The following AR variants were observed in gnomAD, a reference collection of about 807,000 sequenced individuals.
AR encodes androgen receptor.
Under a neutral mutation model 53.9 loss-of-function variants are expected in AR, and 8 were observed. That is an observed-to-expected ratio of 0.15 (90% confidence interval 0.09 to 0.27). The LOEUF is 0.27. Among genes scored for constraint, AR ranks in the 10% least tolerant of loss-of-function variants. The pLI, the probability that AR is intolerant of heterozygous loss-of-function variation, is 1.00. For missense variants in AR, 639 were observed against 742.5 expected (o/e 0.86, Z 1.62); for synonymous variants, 359 against 316.4 (o/e 1.13, Z -1.43).
chrX:67,640,567 T>C (rs1398972014), intron 1 of AR, among the ~76,000 whole-genome samples: 1 of 111,430 alleles, frequency 9.0e-6, no homozygotes, highest in Non-Finnish European at 1.9e-5. Flanking sequence ...GTTCAGGAAT[T>C]TATCTATTTC....
chrX:67,698,611 C>T (rs113044988), intron 3 of AR, among the ~76,000 whole-genome samples: 16,765 of 112,376 alleles, frequency 0.15, 1,539 homozygotes, highest in African/African-American at 0.34. Flanking sequence ...TCTAGCTTCA[C>T]AAAGAATTTG....
chrX:67,626,741 A>C, intron 1 of AR, among the ~76,000 whole-genome samples: 1 of 96,805 alleles, frequency 1.0e-5, no homozygotes, highest in Non-Finnish European at 2.1e-5. Flanking sequence ...CTAACTCATC[A>C]TCTAGCATTA....
chrX:67,661,014 T>G (rs965408085), intron 2 of AR, among the ~76,000 whole-genome samples: 2 of 111,644 alleles, frequency 1.8e-5, no homozygotes, highest in Admixed American at 9.5e-5. Flanking sequence ...GGCTCTCTGT[T>G]TTCTGTTATT....
rs773088507 is a variant in AR, at chrX:67,709,612, C to A, written c.1886-1790C>A. Among the ~76,000 whole-genome samples the A allele has an allele frequency of 3.6e-5, 4 of 112,261 alleles. No homozygotes were observed. In the South Asian group the frequency reaches 1.1e-3, roughly 31 times the overall value. ...CCGGGTGAGGCGATGCCTCTCCCTG[C>A]TTTGGCTCACACTTGGTGCACTGCA... On this transcript the variant is annotated intron_variant, in intron 3 of 7. Coordinates refer to ENST00000374690, the MANE Select transcript of AR (RefSeq NM_000044.6).
intron 1 of AR, among the ~76,000 whole-genome samples, chrX:67,629,707 C>G (rs1924951911): frequency 1.8e-5 from 2 of 108,753 alleles, no homozygotes; most frequent in South Asian, 8.0e-4. Flanking sequence ...TCTTGCTTTT[C>G]TAGTTCTTTT....
At chrX:67,702,400 A>G (rs1288097771) in intron 3 of AR, among the ~76,000 whole-genome samples, 1 of 111,527 alleles carries the variant, frequency 9.0e-6, no homozygotes, top group Non-Finnish European at 1.9e-5. Flanking sequence ...CATGTTTGCA[A>G]TAAGCCCACC....
chrX:67,609,883 G>T (rs1466554850), intron 1 of AR, among the ~76,000 whole-genome samples: 1 of 111,636 alleles, frequency 9.0e-6, no homozygotes, highest in Admixed American at 9.6e-5. Context: ...GTAATTTAAG[G>T]GTCATAAAAT....
intron 2 of AR, among the ~76,000 whole-genome samples, chrX:67,674,604 G>T (rs1254689110): frequency 9.0e-6 from 1 of 111,455 alleles, no homozygotes; most frequent in Non-Finnish European, 1.9e-5. Context: ...GGCAAGTATT[G>T]TCTGGCTACC....
chrX:67,594,999 G>A (rs1189671122), intron 1 of AR, among the ~76,000 whole-genome samples: 1 of 110,894 alleles, frequency 9.0e-6, no homozygotes. Flanking sequence ...CGCTTTTTCA[G>A]TTCCTAAATA....
intron 4 of AR, among the ~76,000 whole-genome samples, chrX:67,713,360 G>T (rs2076101220): frequency 1.8e-5 from 2 of 111,005 alleles, no homozygotes; most frequent in South Asian, 7.7e-4. Flanking sequence ...AAAACAGAGG[G>T]TTCACTCAGA....
intron 1 of AR, among the ~76,000 whole-genome samples, chrX:67,595,213 G>A (rs1291685549): frequency 9.0e-6 from 1 of 110,994 alleles, no homozygotes; most frequent in Non-Finnish European, 1.9e-5. Flanking sequence ...GTGCTATGGA[G>A]GGATTGTTGA....
intron 1 of AR, among the ~76,000 whole-genome samples, chrX:67,552,075 A>G (rs1378480583): frequency 2.7e-5 from 3 of 112,245 alleles, no homozygotes; most frequent in Non-Finnish European, 5.6e-5. Flanking sequence ...TAAAGTGTAC[A>G]GTTTCATGCT....
rs199554641 is a variant in AR, at chrX:67,545,792, G to A, written c.646G>A (p.Gly216Arg). ...CAGCGGGAGAGCGAGGGAGGCCTCGGGGGCTCCCACTTCCTCCAAGGACAA... is the reference window on the plus strand; with the variant it reads ...CAGCGGGAGAGCGAGGGAGGCCTCGAGGGCTCCCACTTCCTCCAAGGACAA... ...SSSGRAREAS[G>R]APTSSKDNYL... The change falls in exon 1 of 8, where the codon GGG becomes AGG. Residue 216 changes from glycine to arginine, a missense_variant. Physicochemically the swap from Gly to Arg is moderately radical, Grantham distance 125. Transcript: ENST00000374690. The A allele has an allele frequency of 6.3e-4, 765 of 1,210,719 alleles. 7 individuals are homozygous for A. The South Asian group carries it at 0.012, about 20-fold the overall frequency.
At chrX:67,661,696 T>C (rs748575256) in intron 2 of AR, among the ~76,000 whole-genome samples, 3 of 111,410 alleles carry the variant, frequency 2.7e-5, no homozygotes, top group Non-Finnish European at 5.7e-5. Flanking sequence ...CAGGATGATG[T>C]TGGCCTCCTA....
At position 67,721,816 on chromosome X, in the gene AR, G is replaced by A. The variant is rs746670313; in HGVS notation, c.2319-17G>A. On this transcript the variant is annotated splice_polypyrimidine_tract_variant and intron_variant, in intron 5 of 7. Coordinates refer to ENST00000374690, the MANE Select transcript of AR (RefSeq NM_000044.6). ...ACTTCCCCTCATTCCTTTTTCCTCT[G>A]TGTATCTCCTTCCCAGGTACCGCAT... The A allele has an allele frequency of 4.2e-5, 51 of 1,208,634 alleles. No individual in the cohort carries two copies. Among genetic ancestry groups the A allele is most frequent in the East Asian group, 3.3e-4 (11 of 33,690 alleles).
intron 3 of AR, chrX:67,695,493 A>T (rs1219233528): frequency 4.0e-6 from 3 of 751,909 alleles, no homozygotes; most frequent in Admixed American, 1.8e-4. Context: ...GCTTCTCTTC[A>T]TCAGTTGTAA....
At chrX:67,624,648 C>A (rs2147401021) in intron 1 of AR, among the ~76,000 whole-genome samples, 1 of 109,787 alleles carries the variant, frequency 9.1e-6, no homozygotes, top group African/African-American at 3.3e-5. Context: ...CAGAATTCAG[C>A]AACAAATAAA....
Position 67,545,806 on chromosome X carries a change from C to T in AR, c.660C>T (p.Ser220=), listed in dbSNP as rs2147317718. ...GGGAGGCCTCGGGGGCTCCCACTTC[C>T]TCCAAGGACAATTACTTAGGGGGCA... ...RAREASGAPT[S]SKDNYLGGTS... Residue 220 remains serine (S), a synonymous_variant, in exon 1 of 8, where the codon TCC becomes TCT. Coordinates refer to ENST00000374690, the MANE Select transcript of AR (RefSeq NM_000044.6). 1 of 1,212,255 alleles carries T rather than the reference C, an allele frequency of 8.2e-7. No homozygotes were observed. Among genetic ancestry groups the T allele is most frequent in the Non-Finnish European group, 1.1e-6 (1 of 895,610 alleles).
At chrX:67,690,202 G>A (rs986781059) in intron 3 of AR, among the ~76,000 whole-genome samples, 4 of 111,805 alleles carry the variant, frequency 3.6e-5, no homozygotes, top group South Asian at 3.8e-4. Context: ...TCACAGATTC[G>A]TCTAGCATAT....
Sources: allele counts gnomAD v4.1 joint callset (sites outside exome capture counted in the v4.1 genomes callset), GRCh38; gene constraint gnomAD v4.1.1; transcripts MANE v1.5; gene names NCBI Gene and HGNC (gene_info 2026-07-23, HGNC 2026-07-21).